SERHL2: variants seen among roughly 807,000 people sequenced by gnomAD.
SERHL2 encodes serine hydrolase-like protein 2.
Under a neutral mutation model 25.5 loss-of-function variants are expected in SERHL2, and 29 were observed. That is an observed-to-expected ratio of 1.14 (90% confidence interval 0.85 to 1.55). The LOEUF is 1.55. Among genes scored for constraint, SERHL2 ranks in the 40% most tolerant of loss-of-function variants. The probability of loss-of-function intolerance (pLI) is 0.00; values close to 1 mark genes in which losing one functional copy is unlikely to be tolerated. For synonymous variants in SERHL2, 95 were observed against 103.5 expected, an observed-to-expected ratio of 0.92 and a Z score of 0.50; for missense variants, 240 against 252.3, an observed-to-expected ratio of 0.95 and a Z score of 0.33.
In SERHL2 at chr22:42,572,379, C is replaced by G; in HGVS notation, c.732-57C>G. On this transcript the variant is annotated intron_variant, in intron 10 of 11. Transcript: ENST00000327678. ...CTGAACCCAGGGCAGGATGGGGGCA[C>G]CGCTGGGAGGCGGTTCTAAGATGAA... 8.3e-6 allele frequency: 11 copies of G among 1,332,480 alleles called. 1 individual carries two copies. Among genetic ancestry groups the G allele is most frequent in the Non-Finnish European group, 1.2e-5 (11 of 934,206 alleles). The allele number at this position is 1,332,480 out of a possible 1,614,324, so 82.5% of individuals were successfully genotyped here.
At chr22:42,561,071 G>T (rs1245468566) in intron 8 of SERHL2, among the ~76,000 whole-genome samples, 1 of 151,960 alleles carries the variant, frequency 6.6e-6, no homozygotes, top group East Asian at 1.9e-4. Context: ...CTGGGCAGAG[G>T]CCTAGATTCT....
At position 42,560,259 on chromosome 22, in the gene SERHL2, G is replaced by C; in HGVS notation, c.607G>C (p.Ala203Pro). 2 of 1,609,598 alleles carry C rather than the reference G, an allele frequency of 1.2e-6. No homozygotes were observed. Among genetic ancestry groups the C allele is most frequent in the Non-Finnish European group, 1.7e-6 (2 of 1,176,104 alleles). The change falls in exon 8 of 12, where the codon GCC becomes CCC. Residue 203 changes from alanine (A) to proline (P), a missense_variant. Physicochemically the swap from Ala to Pro is conservative, Grantham distance 27. Transcript: ENST00000327678. ...LLLQRGTTKV[A>P]TGLVLNRDQR... ...CCTGCAAAGAGGAACCACGAAGGTGGCCACAGGTAAGGGACTCTACTGTCC... is the reference window on the plus strand; with the variant it reads ...CCTGCAAAGAGGAACCACGAAGGTGCCCACAGGTAAGGGACTCTACTGTCC...
intron 9 of SERHL2, among the ~76,000 whole-genome samples, chr22:42,567,904 G>A (rs1923632720): frequency 3.3e-5 from 5 of 151,142 alleles, no homozygotes; most frequent in Non-Finnish European, 7.4e-5. Context: ...TAATTTTTGT[G>A]TTTTTAGTGG....
At chr22:42,572,966 G>T (rs1755704703) in intron 11 of SERHL2, among the ~76,000 whole-genome samples, 1 of 151,724 alleles carries the variant, frequency 6.6e-6, no homozygotes, top group African/African-American at 2.4e-5. Context: ...CACCATACCC[G>T]GCCTAGTCGC....
chr22:42,570,734 G>A (rs911080723), intron 9 of SERHL2, among the ~76,000 whole-genome samples: 15 of 152,164 alleles, frequency 9.9e-5, no homozygotes, highest in African/African-American at 3.6e-4. Flanking sequence ...AGGGGACAGC[G>A]TGAGGTGCAG....
Position 42,574,136 on chromosome 22 carries a change from C to T in SERHL2, c.*81C>T. The T allele has an allele frequency of 3.7e-6, 5 of 1,342,592 alleles. No homozygotes were observed. Among genetic ancestry groups the T allele is most frequent in the South Asian group, 1.2e-5 (1 of 80,064 alleles). 83.2% of individuals were successfully genotyped at this position (1,342,592 alleles called of 1,614,324 possible). ...GAGTTCCTGAGCCCCACAACAAGGC[C>T]AGGGATGGTGGGGACAGGCCTCACT... is the stretch of plus-strand genomic sequence containing the variant. On this transcript the variant is annotated 3_prime_UTR_variant, in exon 12 of 12. Transcript: ENST00000327678.
intron 9 of SERHL2, among the ~76,000 whole-genome samples, chr22:42,567,689 TAAAAAAAATAAAAG>T: frequency 6.7e-6 from 1 of 149,934 alleles, no homozygotes; most frequent in South Asian, 2.1e-4. Flanking sequence ...AATAAATAAA[TAAAAAAAATAAAAG>T]TTCGATTTTT....
chr22:42,568,909 T>G (rs1237097312), intron 9 of SERHL2, among the ~76,000 whole-genome samples: 4 of 151,544 alleles, frequency 2.6e-5, no homozygotes, highest in African/African-American at 9.7e-5. Flanking sequence ...GAGATTGCAG[T>G]GAGCTGAGAT....
chr22:42,572,781 C>T, intron 11 of SERHL2: 1 of 934,484 alleles, frequency 1.1e-6, no homozygotes. Flanking sequence ...TCTCGTGCCT[C>T]AGCCTCCTGA....
rs1237964985 is a variant in SERHL2, at chr22:42,572,415, C to T, written c.732-21C>T. The stretch of plus-strand genomic sequence containing the variant: ...CGGTTCTAAGATGAACCCCAACAAC[C>T]CCCAACTCCTCACTTTCCAGAGCAG... On this transcript the variant is annotated intron_variant, in intron 10 of 11. Coordinates refer to ENST00000327678, the MANE Select transcript of SERHL2 (RefSeq NM_014509.5). 5 of 1,586,524 alleles carry T rather than the reference C, an allele frequency of 3.2e-6. No individual in the cohort carries two copies. The African/African-American group carries it at 6.7e-5, about 21-fold the overall frequency.
intron 11 of SERHL2, chr22:42,573,342 C>T (rs541362595): frequency 6.6e-6 from 1 of 151,266 alleles, no homozygotes; most frequent in East Asian, 2.0e-4. Context: ...CTCCCGGGTT[C>T]ATGCCATTCT....
In SERHL2 at chr22:42,560,274, C is replaced by G. The variant is rs754325484; in HGVS notation, c.613+9C>G. ...CACGAAGGTGGCCACAGGTAAGGGA[C>G]TCTACTGTCCAAGGCCATTTTATAT... On this transcript the variant is annotated intron_variant, in intron 8 of 11. Coordinates refer to ENST00000327678, the MANE Select transcript of SERHL2 (RefSeq NM_014509.5). 2 of 1,593,820 alleles carry G rather than the reference C, an allele frequency of 1.3e-6. No individual in the cohort carries two copies. Among genetic ancestry groups the G allele is most frequent in the African/African-American group, 2.7e-5 (2 of 74,590 alleles).
At position 42,560,240 on chromosome 22, in the gene SERHL2, A is replaced by G; in HGVS notation, c.588A>G (p.Gln196=). 1 of 1,612,654 alleles carries G rather than the reference A, an allele frequency of 6.2e-7. No individual in the cohort carries two copies. Among genetic ancestry groups the G allele is most frequent in the Non-Finnish European group, 8.5e-7 (1 of 1,178,910 alleles). Residue 196 remains glutamine, a synonymous_variant, in exon 8 of 12, where the codon CAA becomes CAG. Transcript: ENST00000327678. ...LSEECGELLL[Q]RGTTKVATGL... is the part of the protein sequence containing the mutation. ...AGGAGTGCGGGGAGCTTCTCCTGCAAAGAGGAACCACGAAGGTGGCCACAG... is the reference window on the plus strand; with the variant it reads ...AGGAGTGCGGGGAGCTTCTCCTGCAGAGAGGAACCACGAAGGTGGCCACAG...
chr22:42,554,010 GGAC>G lies in SERHL2; in HGVS notation c.-8_-6del, dbSNP rs1199501086. On this transcript the variant is annotated 5_prime_UTR_variant, in exon 1 of 12. Coordinates refer to ENST00000327678, the MANE Select transcript of SERHL2 (RefSeq NM_014509.5). The stretch of plus-strand genomic sequence containing the variant: ...AGGGAGTGACAGCAGCGCATTCGCG[GGAC>G]GAGAGCGATGAGTGAGAACGCCGCA... 6.2e-7 allele frequency: 1 copy of G among 1,613,566 alleles called. No individual in the cohort carries two copies. The highest frequency in any genetic ancestry group is 1.1e-5 in the South Asian group (1 of 91,056).
At chr22:42,571,857 G>A (rs73173080) in intron 10 of SERHL2, 4,781 of 131,666 alleles carry the variant, frequency 0.036, no homozygotes, top group Admixed American at 0.069. Flanking sequence ...CTGCATTCAC[G>A]TTCAAGTCAA....
intron 11 of SERHL2, among the ~76,000 whole-genome samples, chr22:42,573,039 A>G (rs1007118046): frequency 4.5e-4 from 68 of 151,694 alleles, no homozygotes; most frequent in African/African-American, 1.6e-3. Context: ...TGCACCCATC[A>G]TGACAGTGGG....
intron 11 of SERHL2, chr22:42,573,659 A>C (rs1272761517): frequency 1.1e-5 from 5 of 459,690 alleles, no homozygotes; most frequent in Middle Eastern, 1.2e-3. Flanking sequence ...AATCACAGCA[A>C]CCCTGGCCTC....
At chr22:42,563,704 T>C (rs1321911784) in intron 8 of SERHL2, among the ~76,000 whole-genome samples, 1 of 151,960 alleles carries the variant, frequency 6.6e-6, no homozygotes, top group Non-Finnish European at 1.5e-5. Flanking sequence ...TTATACTCTT[T>C]TTATTTTTTG....
intron 6 of SERHL2, 177 bp downstream of exon 6, chr22:42,556,765 CT>C: frequency 1.2e-6 from 1 of 832,806 alleles, no homozygotes; most frequent in Non-Finnish European, 1.7e-6. Flanking sequence ...GCTTATACCC[CT>C]AGCAGTGGTC....
Sources: gnomAD v4.1 joint callset for allele counts (sites outside exome capture counted in the v4.1 genomes callset) on GRCh38, gnomAD v4.1.1 for gene constraint, MANE v1.5 for transcripts, NCBI Gene and HGNC (gene_info 2026-07-23, HGNC 2026-07-21) for gene names.